PEDS1: variants seen among roughly 807,000 people sequenced by gnomAD.
PEDS1 encodes CarF homolog.
In PEDS1, 14 loss-of-function variants were observed where a neutral mutation model predicts 35.2. That is an observed-to-expected ratio of 0.40 (90% CI 0.26 to 0.62). PEDS1 has a LOEUF of 0.62. Ranked by LOEUF, PEDS1 falls within the 20% of genes least tolerant of loss-of-function variation. PEDS1 has a pLI of 0.44. For missense variants in PEDS1, 260 were observed against 367.8 expected, an observed-to-expected ratio of 0.71 and a Z score of 2.40; for synonymous variants, 152 against 152.0, an observed-to-expected ratio of 1.00 and a Z score of 0.00.
Position 50,119,133 on chromosome 20 carries a change from T to G in PEDS1, c.*5925A>C, listed in dbSNP as rs1487032632. The stretch of plus-strand genomic sequence containing the variant: ...ATGGCCTCTGGAAGACAATTTGGTA[T>G]GCACTATCAAAATTTAAAACACACT... On this transcript the variant is annotated 3_prime_UTR_variant, in exon 6 of 6. Coordinates refer to ENST00000371652, the MANE Select transcript of PEDS1 (RefSeq NM_199129.4). The G allele has an allele frequency of 1.3e-5, 2 of 152,148 alleles. No homozygotes were observed. The highest frequency in any genetic ancestry group is 1.5e-5 in the Non-Finnish European group (1 of 68,038). 9.4% of individuals were successfully genotyped at this position (152,148 alleles called of 1,614,324 possible).
chr20:50,134,213 C>G (rs1470129290), intron 2 of PEDS1, among the ~76,000 whole-genome samples: 1 of 152,232 alleles, frequency 6.6e-6, no homozygotes, highest in South Asian at 2.1e-4. Flanking sequence ...ATAGCTCGGA[C>G]TAATGACATC....
At chr20:50,143,900 T>C (rs888675891) in intron 1 of PEDS1, among the ~76,000 whole-genome samples, 2 of 152,134 alleles carry the variant, frequency 1.3e-5, no homozygotes, top group African/African-American at 4.8e-5. Context: ...GGTTTCACCA[T>C]ATTGGCCAGG....
intron 2 of PEDS1, chr20:50,131,165 T>C (rs2081175141): frequency 8.7e-7 from 1 of 1,152,986 alleles, no homozygotes; most frequent in East Asian, 2.6e-5. Flanking sequence ...ACTCATGTGC[T>C]TGGAGAGTCT....
In PEDS1 at chr20:50,127,985, G is replaced by A; in HGVS notation, c.681C>T (p.Cys227=). ...HHVSPHETYF[C]ITTGWLNYPL... is the part of the protein sequence containing the mutation. ...CACTGGTGGCCGCACCTGTGGTGAT[G>A]CAGAAGTAGGTCTCGTGGGGTGAGA... The change falls in exon 5 of 6, where the codon TGC becomes TGT. Residue 227 remains cysteine (C), a synonymous_variant. Coordinates refer to ENST00000371652, the MANE Select transcript of PEDS1 (RefSeq NM_199129.4). The A allele has an allele frequency of 1.2e-6, 2 of 1,614,030 alleles. No homozygotes were observed. Among genetic ancestry groups the A allele is most frequent in the Non-Finnish European group, 1.7e-6 (2 of 1,179,974 alleles).
Position 50,120,428 on chromosome 20 carries a change from T to C in PEDS1, c.*4630A>G, listed in dbSNP as rs1049544941. 6.5e-6 allele frequency: 1 copy of C among 153,592 alleles called. No homozygotes were observed. The highest frequency in any genetic ancestry group is 1.4e-5 in the Non-Finnish European group (1 of 68,996). The allele number at this position is 153,592 out of a possible 1,614,324, so 9.5% of individuals were successfully genotyped here. On this transcript the variant is annotated 3_prime_UTR_variant, in exon 6 of 6. Transcript: ENST00000371652. Reference sequence around the variant, plus strand: ...GCCACTGTACCCGGCGTGATTCTTATTCTTTACCTATGCAAGCATTACCTA... The same window carrying C: ...GCCACTGTACCCGGCGTGATTCTTACTCTTTACCTATGCAAGCATTACCTA...
chr20:50,151,634 C>T (rs57196110), intron 1 of PEDS1, among the ~76,000 whole-genome samples: 14,621 of 152,054 alleles, frequency 0.096, 2,263 homozygotes, highest in African/African-American at 0.33. Flanking sequence ...CCGAGGTGGG[C>T]GGATCACAAG....
chr20:50,137,048 G>A (rs905992352), intron 2 of PEDS1, among the ~76,000 whole-genome samples: 6 of 151,986 alleles, frequency 3.9e-5, no homozygotes, highest in Admixed American at 2.0e-4. Flanking sequence ...AAGGCGGGGT[G>A]GGGGGAGCAG....
chr20:50,127,132 G>A (rs1234340839), intron 5 of PEDS1, among the ~76,000 whole-genome samples: 1 of 152,116 alleles, frequency 6.6e-6, no homozygotes, highest in Non-Finnish European at 1.5e-5. Flanking sequence ...GCACGGCTTT[G>A]TCCCTCAGCT....
In PEDS1 at chr20:50,124,281, A is replaced by G. The variant is rs1047888238; in HGVS notation, c.*777T>C. The G allele has an allele frequency of 6.6e-6, 1 of 152,618 alleles. No individual in the cohort carries two copies. The highest frequency in any genetic ancestry group is 1.9e-4 in the East Asian group (1 of 5,206). 9.5% of individuals were successfully genotyped at this position (152,618 alleles called of 1,614,324 possible). On this transcript the variant is annotated 3_prime_UTR_variant, in exon 6 of 6. Coordinates refer to ENST00000371652, the MANE Select transcript of PEDS1 (RefSeq NM_199129.4). ...ATTAAGGCTTTCTATTATTTACATT[A>G]AACAAGCAAGCACCTTTAAAAAAAA...
rs554420733 is a variant in PEDS1 at position 50,144,320 on chromosome 20, C to T, written c.122-699G>A. Among the ~76,000 whole-genome samples, 9 of 152,288 alleles carry T rather than the reference C, an allele frequency of 5.9e-5. 1 individual carries two copies. In the South Asian group the frequency reaches 1.9e-3, roughly 32 times the overall value. ...GTAGAATCTTTGTGGCTTCACTTGT[C>T]CCCTTTTGCAGGTAACTATTTGGAG... On this transcript the variant is annotated intron_variant, in intron 1 of 5. Coordinates refer to ENST00000371652, the MANE Select transcript of PEDS1 (RefSeq NM_199129.4).
rs1263283361 is a variant in PEDS1, at chr20:50,123,997, A to C, written c.*1061T>G. 1 of 152,338 alleles carries C rather than the reference A, an allele frequency of 6.6e-6. No homozygotes were observed. Among genetic ancestry groups the C allele is most frequent in the East Asian group, 1.9e-4 (1 of 5,194 alleles). The allele number at this position is 152,338 out of a possible 1,614,324, so 9.4% of individuals were successfully genotyped here. On this transcript the variant is annotated 3_prime_UTR_variant, in exon 6 of 6. Transcript: ENST00000371652. ...CCACTGTCCTCACCCAATCCCCTCC[A>C]AAAGGCTTTGGAGCAGATGTCAACA...
At chr20:50,142,604 A>C (rs1336818605) in intron 2 of PEDS1, among the ~76,000 whole-genome samples, 1 of 144,742 alleles carries the variant, frequency 6.9e-6, no homozygotes, top group African/African-American at 2.6e-5. Flanking sequence ...ACGGCCGGCT[A>C]ATTTTTGTAT....
rs1390985348 is a variant in PEDS1 at position 50,151,456 on chromosome 20, G to A, written c.121+2061C>T. On this transcript the variant is annotated intron_variant, in intron 1 of 5. Transcript: ENST00000371652. ...AGGGTTCACAGGAGCAGGCAGAGCT[G>A]GACACTAAAGAGGGAGGCCCTTGAA... The A allele has an allele frequency of 1.9e-5, 9 of 483,476 alleles. No individual in the cohort carries two copies. In the Admixed American group the frequency reaches 2.2e-4, roughly 12 times the overall value. 29.9% of individuals were successfully genotyped at this position (483,476 alleles called of 1,614,324 possible). A position where few individuals can be genotyped will look rare whatever the true frequency, so the allele number is the denominator to read the frequency against.
intron 2 of PEDS1, among the ~76,000 whole-genome samples, chr20:50,134,543 G>C (rs916482025): frequency 6.6e-6 from 1 of 152,166 alleles, no homozygotes; most frequent in Non-Finnish European, 1.5e-5. Flanking sequence ...GCAAAACTCT[G>C]TCTCAAAAAT....
At position 50,143,611 on chromosome 20, in the gene PEDS1, G is replaced by A. The variant is rs1421748128; in HGVS notation, c.132C>T (p.Leu44=). 6.2e-7 allele frequency: 1 copy of A among 1,614,104 alleles called. No homozygotes were observed. The highest frequency in any genetic ancestry group is 2.2e-5 in the East Asian group (1 of 44,876). ...LAALYSPGKR[L]QEWCSVILCF... Reference sequence around the variant, plus strand: ...ACAGGATCACAGAGCACCACTCCTGGAGGCGCTTGCCTGCAGGGAGCAGAG... The same window carrying A: ...ACAGGATCACAGAGCACCACTCCTGAAGGCGCTTGCCTGCAGGGAGCAGAG... Residue 44 remains leucine (L), a synonymous_variant, in exon 2 of 6, where the codon CTC becomes CTT. Coordinates refer to ENST00000371652, the MANE Select transcript of PEDS1 (RefSeq NM_199129.4).
chr20:50,130,659 T>G (rs2081168552), intron 3 of PEDS1, among the ~76,000 whole-genome samples, 197 bp downstream of exon 3: 1 of 152,150 alleles, frequency 6.6e-6, no homozygotes, highest in South Asian at 2.1e-4. Flanking sequence ...TCTTGGACCA[T>G]CCCAAGCCTG....
intron 2 of PEDS1, among the ~76,000 whole-genome samples, chr20:50,134,617 CA>C (rs779658866): frequency 1.3e-5 from 2 of 152,240 alleles, no homozygotes; most frequent in Non-Finnish European, 2.9e-5. Flanking sequence ...GGCTGGATGT[CA>C]TAAGGGTGGG....
At chr20:50,145,787 G>C (rs954903687) in intron 1 of PEDS1, among the ~76,000 whole-genome samples, 3 of 152,210 alleles carry the variant, frequency 2.0e-5, no homozygotes, top group Non-Finnish European at 4.4e-5. Flanking sequence ...ATAAGGCACA[G>C]AAGACCTTTA....
At chr20:50,127,010 T>C (rs966635836) in intron 5 of PEDS1, among the ~76,000 whole-genome samples, 1 of 152,050 alleles carries the variant, frequency 6.6e-6, no homozygotes, top group Non-Finnish European at 1.5e-5. Context: ...CTGCCTCAAC[T>C]CCAGTCAGGA....
Sources: allele counts gnomAD v4.1 joint callset (sites outside exome capture counted in the v4.1 genomes callset), GRCh38; gene constraint gnomAD v4.1.1; transcripts MANE v1.5; gene names NCBI Gene and HGNC (gene_info 2026-07-23, HGNC 2026-07-21).